KCNIP4: variants seen among roughly 807,000 people sequenced by gnomAD.
KCNIP4 encodes the protein potassium voltage-gated channel interacting protein 4.
KCNIP4 carries 12 observed loss-of-function variants against 34.0 expected under a neutral mutation model. That is an observed-to-expected ratio of 0.35 (90% CI 0.23 to 0.57). The LOEUF is 0.57. Among genes scored for constraint, KCNIP4 ranks in the 20% least tolerant of loss-of-function variants. The probability of loss-of-function intolerance (pLI) is 0.83; values close to 1 mark genes in which losing one functional copy is unlikely to be tolerated. For synonymous variants in KCNIP4, 124 were observed against 102.2 expected, an observed-to-expected ratio of 1.21 and a Z score of -1.29; for missense variants, 238 against 311.7, an observed-to-expected ratio of 0.76 and a Z score of 1.78.
chr4:20,820,779 T>G (rs1272895728), intron 3 of KCNIP4, among the ~76,000 whole-genome samples: 1 of 152,198 alleles, frequency 6.6e-6, no homozygotes. Context: ...TGAGGCTTAC[T>G]ACCCAGGGCC....
intron 1 of KCNIP4, among the ~76,000 whole-genome samples, chr4:21,714,227 A>C (rs879527044): frequency 1.3e-5 from 2 of 152,128 alleles, no homozygotes; most frequent in Non-Finnish European, 2.9e-5. Flanking sequence ...TGTATTTTCA[A>C]AGGCTCCTAG....
chr4:21,069,834 C>A (rs748444770), intron 1 of KCNIP4, among the ~76,000 whole-genome samples: 7 of 152,136 alleles, frequency 4.6e-5, no homozygotes, highest in Non-Finnish European at 7.3e-5. Context: ...TAGTACTTAA[C>A]ACCAAAACAC....
At chr4:21,120,366 TGTCTTCTCCCCGTGTCTTCACATG>T (rs534051013) in intron 1 of KCNIP4, among the ~76,000 whole-genome samples, 43 of 152,362 alleles carry the variant, frequency 2.8e-4, no homozygotes, top group African/African-American at 1.0e-3. Context: ...TTCTGAGGTC[TGTCTTCTCCCCGTGTCTTCACATG>T]GTCTTCCCTC....
At chr4:21,737,661 G>T (rs1716083988) in intron 1 of KCNIP4, among the ~76,000 whole-genome samples, 1 of 152,064 alleles carries the variant, frequency 6.6e-6, no homozygotes, top group Admixed American at 6.6e-5. Flanking sequence ...GGCCACTATT[G>T]CCTTACAGCT....
chr4:21,749,036 G>T (rs1716968896), intron 1 of KCNIP4, among the ~76,000 whole-genome samples: 1 of 152,102 alleles, frequency 6.6e-6, no homozygotes, highest in South Asian at 2.1e-4. Flanking sequence ...TAACAGCTTA[G>T]GTGTACCATT....
chr4:21,835,562 T>C (rs1025598799), intron 1 of KCNIP4, among the ~76,000 whole-genome samples: 1 of 146,134 alleles, frequency 6.8e-6, no homozygotes, highest in African/African-American at 2.5e-5. Flanking sequence ...GAAAAGTTTT[T>C]CCAAATGTTT....
At chr4:21,342,096 C>A (rs1245618503) in intron 1 of KCNIP4, among the ~76,000 whole-genome samples, 1 of 152,070 alleles carries the variant, frequency 6.6e-6, no homozygotes, top group African/African-American at 2.4e-5. Context: ...ATCTTGGAAG[C>A]ATGCTTGCAA....
intron 1 of KCNIP4, among the ~76,000 whole-genome samples, chr4:21,026,671 T>C (rs2149757171): frequency 6.6e-6 from 1 of 152,106 alleles, no homozygotes; most frequent in Admixed American, 6.5e-5. Context: ...TAAAAATAAA[T>C]AAAAATAAAA....
chr4:21,918,834 A>T (rs977655246), intron 1 of KCNIP4, among the ~76,000 whole-genome samples: 1 of 152,152 alleles, frequency 6.6e-6, no homozygotes, highest in Non-Finnish European at 1.5e-5. Flanking sequence ...GTATGTGAGG[A>T]AAACGTTTTG....
chr4:21,578,332 CAAAAAAAAAAAAAAAA>C (rs71191522), intron 1 of KCNIP4, among the ~76,000 whole-genome samples: 1 of 75,128 alleles, frequency 1.3e-5, no homozygotes, highest in African/African-American at 5.3e-5. Flanking sequence ...GACTCCGTCT[CAAAAAAAAAAAAAAAA>C]AAAAAAAAAA....
intron 1 of KCNIP4, among the ~76,000 whole-genome samples, chr4:21,870,154 G>A (rs1725702062): frequency 6.6e-6 from 1 of 152,140 alleles, no homozygotes; most frequent in Non-Finnish European, 1.5e-5. Flanking sequence ...GTCAGCATCT[G>A]TTTTGCAAGG....
intron 1 of KCNIP4, chr4:21,850,930 C>T (rs1412552192): frequency 2.0e-5 from 3 of 151,986 alleles, no homozygotes; most frequent in Non-Finnish European, 4.4e-5. Flanking sequence ...ATAAAGCAGA[C>T]AAAGTCTCTA....
chr4:20,991,618 C>A (rs1441961961), intron 1 of KCNIP4, among the ~76,000 whole-genome samples: 1 of 152,132 alleles, frequency 6.6e-6, no homozygotes, highest in African/African-American at 2.4e-5. Context: ...GATCAAGGGG[C>A]TATTTCTCCT....
At position 20,730,056 on chromosome 4, in the gene KCNIP4, G is replaced by GTTGGATTCAGGATCTAT; in HGVS notation, c.*9_*25dup. Reference sequence around the variant, plus strand: ...GTGGTAGAATAGTTCACATTTGTCTGTTGGATTCAGGATCTATTTGACAAG... The same window carrying GTTGGATTCAGGATCTAT: ...GTGGTAGAATAGTTCACATTTGTCTGTTGGATTCAGGATCTATTTGGATTCAGGATCTATTTGACAAG... On this transcript the variant is annotated 3_prime_UTR_variant, in exon 9 of 9. Transcript: ENST00000382152. 2 of 1,601,054 alleles carry GTTGGATTCAGGATCTAT rather than the reference G, an allele frequency of 1.2e-6. No individual in the cohort carries two copies. Among genetic ancestry groups the GTTGGATTCAGGATCTAT allele is most frequent in the Non-Finnish European group, 1.7e-6 (2 of 1,175,402 alleles).
At chr4:21,029,736 G>C (rs1026188349) in intron 1 of KCNIP4, among the ~76,000 whole-genome samples, 1 of 152,144 alleles carries the variant, frequency 6.6e-6, no homozygotes, top group African/African-American at 2.4e-5. Flanking sequence ...TGCACTGGTT[G>C]TTGAGCATCA....
At chr4:20,828,025 T>A (rs1560495638) in intron 3 of KCNIP4, among the ~76,000 whole-genome samples, 2 of 152,142 alleles carry the variant, frequency 1.3e-5, no homozygotes, top group Non-Finnish European at 2.9e-5. Context: ...TTTTCTCTCA[T>A]TTTTCCTTAT....
intron 1 of KCNIP4, among the ~76,000 whole-genome samples, chr4:21,510,340 G>T (rs954831854): frequency 6.6e-6 from 1 of 152,078 alleles, no homozygotes; most frequent in African/African-American, 2.4e-5. Context: ...CAGTTTTCAT[G>T]TGGTTTAAAA....
intron 1 of KCNIP4, among the ~76,000 whole-genome samples, chr4:21,695,688 C>G (rs1712233655): frequency 6.6e-6 from 1 of 152,050 alleles, no homozygotes; most frequent in Non-Finnish European, 1.5e-5. Flanking sequence ...ATTCAACAAA[C>G]AGAATGAGCT....
intron 1 of KCNIP4, among the ~76,000 whole-genome samples, chr4:20,932,847 C>T (rs1281855193): frequency 6.6e-6 from 1 of 152,064 alleles, no homozygotes; most frequent in Non-Finnish European, 1.5e-5. Flanking sequence ...ATATAGTTCA[C>T]TTATATGACA....
Sources: allele counts gnomAD v4.1 joint callset (sites outside exome capture counted in the v4.1 genomes callset), GRCh38; gene constraint gnomAD v4.1.1; transcripts MANE v1.5; gene names NCBI Gene and HGNC (gene_info 2026-07-23, HGNC 2026-07-21).